Variants in PDE8A observed in about 807,000 individuals in gnomAD.
The protein encoded by PDE8A is phosphodiesterase 8A.
In PDE8A, 59 loss-of-function variants were observed where a neutral mutation model predicts 105.0. The observed-to-expected ratio is 0.56, with a 90% CI of 0.46 to 0.70. PDE8A has a LOEUF of 0.70. PDE8A is among the 30% of genes least tolerant of loss of function. The pLI is 0.00. For missense variants in PDE8A, 1,014 were observed against 1,045.9 expected (o/e 0.97, Z 0.42); for synonymous variants, 355 against 371.9 (o/e 0.95, Z 0.52).
chr15:85,012,422 A>G (rs1361918554), intron 1 of PDE8A, among the ~76,000 whole-genome samples: 2 of 152,080 alleles, frequency 1.3e-5, no homozygotes, highest in African/African-American at 4.8e-5. Flanking sequence ...ATTGGAAATC[A>G]TCATTCTCAG....
chr15:85,119,739 A>C (rs548561696), intron 17 of PDE8A, among the ~76,000 whole-genome samples: 1 of 152,278 alleles, frequency 6.6e-6, no homozygotes, highest in Admixed American at 6.5e-5. Context: ...AATATCAGCT[A>C]CAACAAATGA....
rs531507041 is a variant in PDE8A at position 85,114,550 on chromosome 15, G to C, written c.1350+513G>C. On this transcript the variant is annotated intron_variant, in intron 14 of 21. Coordinates refer to ENST00000394553, the MANE Select transcript of PDE8A (RefSeq NM_002605.3). ...TGTCATAGACTCTTGAGGGGTCCTG[G>C]ATGCCTCCTTCAGCATGTCTGGTGT... Among the ~76,000 whole-genome samples the C allele has an allele frequency of 2.0e-5, 3 of 152,270 alleles. No individual in the cohort carries two copies. The South Asian group carries it at 6.2e-4, about 32-fold the overall frequency.
chr15:85,047,744 T>G (rs1164673338), intron 1 of PDE8A, among the ~76,000 whole-genome samples: 1 of 152,230 alleles, frequency 6.6e-6, no homozygotes, highest in Non-Finnish European at 1.5e-5. Flanking sequence ...CACCAGCTTT[T>G]GGTGTAGACC....
intron 1 of PDE8A, among the ~76,000 whole-genome samples, chr15:85,009,477 A>G (rs2080205789): frequency 6.6e-6 from 1 of 152,176 alleles, no homozygotes; most frequent in Non-Finnish European, 1.5e-5. Flanking sequence ...ACCCATTGTA[A>G]AATTTAGGAC....
rs376835388 is a variant in PDE8A, at chr15:85,027,036, A to G, written c.187-37334A>G. On this transcript the variant is annotated intron_variant, in intron 1 of 21. Transcript: ENST00000394553. The stretch of plus-strand genomic sequence containing the variant: ...TTAATACCTCAGTTAATAGGTTACT[A>G]TTGTGTGGTTCTTTGTTATAAAGAT... Among the ~76,000 whole-genome samples, 8 of 152,166 alleles carry G rather than the reference A, an allele frequency of 5.3e-5. No homozygotes were observed. In the East Asian group the frequency reaches 9.6e-4, roughly 18 times the overall value.
intron 17 of PDE8A, among the ~76,000 whole-genome samples, chr15:85,119,856 G>T (rs913254607): frequency 6.6e-6 from 1 of 151,956 alleles, no homozygotes; most frequent in Non-Finnish European, 1.5e-5. Context: ...CCTATAGAAT[G>T]AAGCCAATTA....
rs955277879 is a variant in PDE8A, at chr15:85,113,443, C to G, written c.1181C>G (p.Thr394Ser). ...TCCATGACAATTGAGGCGCCCATCACCAAGGTGAAGCAGTTTGTGGTCTGT... is the reference window on the plus strand; with the variant it reads ...TCCATGACAATTGAGGCGCCCATCAGCAAGGTGAAGCAGTTTGTGGTCTGT... ...IHSMTIEAPI[T>S]KVINIINAAQ... The change falls in exon 13 of 22, where the codon ACC (threonine) becomes AGC (serine). Residue 394 changes from threonine to serine, a missense_variant. Thr to Ser is a moderately conservative substitution (Grantham distance 58). Transcript: ENST00000394553. 5.6e-6 allele frequency: 9 copies of G among 1,613,526 alleles called. No homozygotes were observed. Among genetic ancestry groups the G allele is most frequent in the African/African-American group, 5.3e-5 (4 of 75,018 alleles).
chr15:85,048,354 A>C (rs1456099881), intron 1 of PDE8A, among the ~76,000 whole-genome samples: 2 of 151,774 alleles, frequency 1.3e-5, no homozygotes, highest in Non-Finnish European at 2.9e-5. Context: ...TTCCATTCAG[A>C]CTTTATTTTT....
intron 1 of PDE8A, among the ~76,000 whole-genome samples, chr15:85,053,694 T>C (rs961781012): frequency 6.6e-6 from 1 of 152,266 alleles, no homozygotes. Context: ...CTGAAGTTGC[T>C]TATCAGCTTA....
intron 1 of PDE8A, among the ~76,000 whole-genome samples, chr15:84,998,868 A>C (rs2080021001): frequency 6.6e-6 from 1 of 152,208 alleles, no homozygotes; most frequent in Non-Finnish European, 1.5e-5. Context: ...CAAAAGGCAC[A>C]GAACACCTCT....
rs1422223492 is a variant in PDE8A at position 85,017,510 on chromosome 15, C to A, written c.186+35162C>A. ...ATAATAAAGAAGATAATGTTTTATACAAAATAGTGTGTCTTGTTTCTAACT... is the reference window on the plus strand; with the variant it reads ...ATAATAAAGAAGATAATGTTTTATAAAAAATAGTGTGTCTTGTTTCTAACT... On this transcript the variant is annotated intron_variant, in intron 1 of 21. Coordinates refer to ENST00000394553, the MANE Select transcript of PDE8A (RefSeq NM_002605.3). Among the ~76,000 whole-genome samples the A allele has an allele frequency of 2.0e-5, 3 of 152,086 alleles. No homozygotes were observed. In the East Asian group the frequency reaches 5.8e-4, roughly 29 times the overall value.
At chr15:85,023,376 A>G (rs1157205945) in intron 1 of PDE8A, among the ~76,000 whole-genome samples, 1 of 152,190 alleles carries the variant, frequency 6.6e-6, no homozygotes, top group Non-Finnish European at 1.5e-5. Context: ...GGAGAAGCAT[A>G]GGAAATAATT....
At chr15:85,004,021 A>C (rs751082407) in intron 1 of PDE8A, among the ~76,000 whole-genome samples, 1 of 152,224 alleles carries the variant, frequency 6.6e-6, no homozygotes, top group African/African-American at 2.4e-5. Context: ...GAAGTGGTCC[A>C]TGTCAGATTA....
intron 19 of PDE8A, among the ~76,000 whole-genome samples, chr15:85,124,690 T>C (rs1319381184): frequency 1.3e-5 from 2 of 152,210 alleles, no homozygotes; most frequent in African/African-American, 4.8e-5. Context: ...AGCCTGCCCC[T>C]GACTTCACTC....
At chr15:85,055,730 A>G (rs576075794) in intron 1 of PDE8A, among the ~76,000 whole-genome samples, 4 of 152,298 alleles carry the variant, frequency 2.6e-5, no homozygotes, top group South Asian at 4.1e-4. Flanking sequence ...GGTCTCCTGA[A>G]TACAGCACAC....
intron 18 of PDE8A, among the ~76,000 whole-genome samples, 176 bp from the exon 19 acceptor site, chr15:85,122,885 G>T (rs574056030): frequency 7.2e-5 from 11 of 152,172 alleles, no homozygotes; most frequent in Non-Finnish European, 1.2e-4. Context: ...CCTTGCTAAC[G>T]ATCTAGGCAC....
intron 1 of PDE8A, among the ~76,000 whole-genome samples, chr15:85,006,353 G>A (rs1026464136): frequency 1.3e-5 from 2 of 152,140 alleles, no homozygotes; most frequent in Non-Finnish European, 2.9e-5. Context: ...TAAATGTGGT[G>A]GTGAATGTCT....
intron 11 of PDE8A, among the ~76,000 whole-genome samples, chr15:85,105,276 A>G (rs575226530): frequency 6.6e-6 from 1 of 152,236 alleles, no homozygotes; most frequent in Non-Finnish European, 1.5e-5. Flanking sequence ...AGGAAGAGGT[A>G]GTTACCAGAG....
At chr15:84,995,317 C>CT (rs35094035) in intron 1 of PDE8A, among the ~76,000 whole-genome samples, 98 of 145,600 alleles carry the variant, frequency 6.7e-4, no homozygotes, top group African/African-American at 1.4e-3. Context: ...CAGTATGTAC[C>CT]TTTTTTTTTT....
Sources: allele counts gnomAD v4.1 joint callset (sites outside exome capture counted in the v4.1 genomes callset), GRCh38; gene constraint gnomAD v4.1.1; transcripts MANE v1.5; gene names NCBI Gene and HGNC (gene_info 2026-07-23, HGNC 2026-07-21).